Variants in ASTN2 observed in about 807,000 individuals in gnomAD.
ASTN2 encodes astrotactin 2.
A neutral mutation model predicts 139.8 loss-of-function variants in ASTN2; 54 were observed. That is an observed-to-expected ratio of 0.39 (90% CI 0.31 to 0.48). The LOEUF (loss-of-function observed/expected upper bound fraction) is 0.48. Ranked by LOEUF, ASTN2 falls within the 20% of genes least tolerant of loss-of-function variation. ASTN2 has a pLI of 0.95. For synonymous variants in ASTN2, 756 were observed against 719.5 expected (o/e 1.05, Z -0.81); for missense variants, 1,565 against 1,725.1 (o/e 0.91, Z 1.64).
intron 11 of ASTN2, among the ~76,000 whole-genome samples, chr9:116,829,856 A>G (rs1831753781): frequency 6.6e-6 from 1 of 152,200 alleles, no homozygotes; most frequent in Non-Finnish European, 1.5e-5. Context: ...CTGGACTCAT[A>G]TTTCTCGCCA....
At chr9:116,694,434 G>A (rs1218695683) in intron 16 of ASTN2, among the ~76,000 whole-genome samples, 1 of 150,202 alleles carries the variant, frequency 6.7e-6, no homozygotes, top group Non-Finnish European at 1.5e-5. Context: ...GAGAAGGGTT[G>A]CATGGATCCT....
intron 19 of ASTN2, among the ~76,000 whole-genome samples, chr9:116,526,132 C>A (rs1851079193): frequency 6.6e-6 from 1 of 152,188 alleles, no homozygotes; most frequent in South Asian, 2.1e-4. Context: ...AATCCAGACC[C>A]AACCTCTGTT....
Position 116,426,105 on chromosome 9 carries a change from G to T in ASTN2, c.3783-17C>A, listed in dbSNP as rs1415360266. 1 of 1,610,258 alleles carries T rather than the reference G, an allele frequency of 6.2e-7. No homozygotes were observed. Among genetic ancestry groups the T allele is most frequent in the East Asian group, 2.2e-5 (1 of 44,854 alleles). On this transcript the variant is annotated splice_polypyrimidine_tract_variant and intron_variant, in intron 22 of 22. Transcript: ENST00000313400. ...TGGGCCTTCCTGAAAGGTAGGATGA[G>T]ACAGCCATGATTAAAGAAGTCCAGA...
chr9:117,079,419 C>A (rs1023589033), intron 5 of ASTN2, among the ~76,000 whole-genome samples: 2 of 152,038 alleles, frequency 1.3e-5, no homozygotes, highest in African/African-American at 2.4e-5. Flanking sequence ...TCCACCTAAA[C>A]CTATTAAATC....
chr9:116,470,162 C>T (rs371273497), intron 20 of ASTN2, among the ~76,000 whole-genome samples: 2 of 151,954 alleles, frequency 1.3e-5, no homozygotes, highest in African/African-American at 4.8e-5. Context: ...CAAGATCACA[C>T]CACTGCACTC....
rs538750413 is a variant in ASTN2 at position 117,206,182 on chromosome 9, A to T, written c.1015+8176T>A. On this transcript the variant is annotated intron_variant, in intron 3 of 22. Coordinates refer to ENST00000313400, the MANE Select transcript of ASTN2 (RefSeq NM_001365068.1). ...GCAGAGCACCGAAATGCAGCAGAAGAGTGGAGAAGCATCTGTGGTGACAGG... is the reference window on the plus strand; with the variant it reads ...GCAGAGCACCGAAATGCAGCAGAAGTGTGGAGAAGCATCTGTGGTGACAGG... Among the ~76,000 whole-genome samples the T allele has an allele frequency of 5.3e-5, 8 of 152,290 alleles. No individual in the cohort carries two copies. The East Asian group carries it at 1.4e-3, about 26-fold the overall frequency.
intron 5 of ASTN2, among the ~76,000 whole-genome samples, chr9:117,052,708 T>A (rs1397308108): frequency 6.6e-6 from 1 of 152,198 alleles, no homozygotes; most frequent in African/African-American, 2.4e-5. Context: ...ATGCGAAGCC[T>A]CTGCTGGGTT....
intron 6 of ASTN2, among the ~76,000 whole-genome samples, chr9:117,027,954 G>T (rs540999033): frequency 6.6e-6 from 1 of 152,288 alleles, no homozygotes; most frequent in East Asian, 1.9e-4. Context: ...GTGGTTCTGA[G>T]AAGTACAGTG....
intron 10 of ASTN2, among the ~76,000 whole-genome samples, chr9:116,919,469 C>G (rs576061934): frequency 1.3e-5 from 2 of 152,120 alleles, no homozygotes; most frequent in African/African-American, 4.8e-5. Flanking sequence ...TTTTAACAAT[C>G]CTAAATATTC....
intron 16 of ASTN2, among the ~76,000 whole-genome samples, chr9:116,691,993 G>A (rs1486686658): frequency 6.6e-6 from 1 of 152,204 alleles, no homozygotes; most frequent in Admixed American, 6.5e-5. Context: ...AGTTTTTAGG[G>A]GAAAGCACTG....
chr9:117,394,153 A>C (rs2130949935), intron 1 of ASTN2, among the ~76,000 whole-genome samples: 1 of 152,294 alleles, frequency 6.6e-6, no homozygotes, highest in South Asian at 2.1e-4. Context: ...ATTAATTGGT[A>C]GCACCTATTC....
intron 11 of ASTN2, among the ~76,000 whole-genome samples, chr9:116,821,244 C>T (rs1055717851): frequency 2.0e-5 from 3 of 152,176 alleles, no homozygotes; most frequent in African/African-American, 7.2e-5. Context: ...AGCTTTTCCT[C>T]TTCTCACTGT....
At chr9:116,992,069 G>T (rs1836874857) in intron 7 of ASTN2, among the ~76,000 whole-genome samples, 1 of 152,198 alleles carries the variant, frequency 6.6e-6, no homozygotes, top group Admixed American at 6.5e-5. Flanking sequence ...ACCTTCACAT[G>T]TGGCAAGAGG....
chr9:116,684,702 C>T (rs1395100643), intron 16 of ASTN2, among the ~76,000 whole-genome samples: 2 of 152,182 alleles, frequency 1.3e-5, no homozygotes, highest in Admixed American at 6.5e-5. Flanking sequence ...ACTCCCATTC[C>T]CACTACGTCC....
At chr9:116,684,556 G>A (rs549091521) in intron 16 of ASTN2, among the ~76,000 whole-genome samples, 9 of 152,242 alleles carry the variant, frequency 5.9e-5, no homozygotes, top group African/African-American at 1.9e-4. Flanking sequence ...ATAGTAGGCT[G>A]TTCACCTAAA....
At chr9:116,959,815 C>T (rs775994480) in intron 10 of ASTN2, among the ~76,000 whole-genome samples, 1 of 152,106 alleles carries the variant, frequency 6.6e-6, no homozygotes, top group Non-Finnish European at 1.5e-5. Flanking sequence ...AGAGAAAAAG[C>T]AAGGGTCTCG....
chr9:116,962,583 A>G (rs1461628755), intron 10 of ASTN2, among the ~76,000 whole-genome samples: 1 of 152,184 alleles, frequency 6.6e-6, no homozygotes, highest in African/African-American at 2.4e-5. Context: ...AAGATTTATG[A>G]CATTTGTTCA....
intron 4 of ASTN2, among the ~76,000 whole-genome samples, chr9:117,135,226 A>G (rs1442072640): frequency 7.9e-5 from 12 of 152,258 alleles, no homozygotes; most frequent in Non-Finnish European, 1.6e-4. Context: ...TCATAGCTCC[A>G]CTATGTACTA....
In ASTN2 at chr9:116,639,970, C is replaced by T. The variant is rs546066241; in HGVS notation, c.3072+11558G>A. 1.8e-3 allele frequency among the ~76,000 whole-genome samples: 269 copies of T among 152,186 alleles called. 1 individual carries two copies. The highest frequency in any genetic ancestry group is 6.3e-3 in the African/African-American group (260 of 41,514). ...TATTTATTGAATTTCTACTATGCATCAGGCACTTTACTATCAGCTGTCGGT... is the reference window on the plus strand; with the variant it reads ...TATTTATTGAATTTCTACTATGCATTAGGCACTTTACTATCAGCTGTCGGT... On this transcript the variant is annotated intron_variant, in intron 17 of 22. Coordinates refer to ENST00000313400, the MANE Select transcript of ASTN2 (RefSeq NM_001365068.1).
Sources: allele counts gnomAD v4.1 joint callset (sites outside exome capture counted in the v4.1 genomes callset), GRCh38; gene constraint gnomAD v4.1.1; transcripts MANE v1.5; gene names NCBI Gene and HGNC (gene_info 2026-07-23, HGNC 2026-07-21).